Variants in TMEM51 observed in about 807,000 individuals in gnomAD.
TMEM51 encodes chromosome 1 open reading frame 72.
A neutral mutation model predicts 13.6 loss-of-function variants in TMEM51; 8 were observed. The ratio of observed to expected loss-of-function variants is 0.59; its 90% CI spans 0.35 to 1.07. The LOEUF is 1.07. TMEM51 is among the 50% of genes least tolerant of loss of function. TMEM51 has a pLI of 0.02. For synonymous variants in TMEM51, 147 were observed against 144.4 expected, an observed-to-expected ratio of 1.02 and a Z score of -0.13; for missense variants, 279 against 330.7, an observed-to-expected ratio of 0.84 and a Z score of 1.21.
chr1:15,212,558 A>C (rs1277609193), intron 2 of TMEM51, among the ~76,000 whole-genome samples: 3 of 152,230 alleles, frequency 2.0e-5, no homozygotes, highest in Non-Finnish European at 4.4e-5. Flanking sequence ...TCCTGCTTCC[A>C]GCACAACCCC....
intron 1 of TMEM51, among the ~76,000 whole-genome samples, chr1:15,195,659 G>C (rs1186991964): frequency 6.6e-6 from 1 of 152,054 alleles, no homozygotes; most frequent in Admixed American, 6.6e-5. Flanking sequence ...TACCAGCTAG[G>C]GCTTGCTATA....
Position 15,214,888 on chromosome 1 carries a change from C to T in TMEM51, c.-193-7C>T, listed in dbSNP as rs1019561131. ...CGTCCTCTCTGCTCTTTCTGCTTTC[C>T]TTCCAGGCCCTTCCACCGCAGCCAT... is the stretch of plus-strand genomic sequence containing the variant. On this transcript the variant is annotated splice_polypyrimidine_tract_variant and splice_region_variant and intron_variant, in intron 2 of 3. Coordinates refer to ENST00000376008, the MANE Select transcript of TMEM51 (RefSeq NM_001136218.2). 3.4e-6 allele frequency: 2 copies of T among 584,594 alleles called. No individual in the cohort carries two copies. Among genetic ancestry groups the T allele is most frequent in the Non-Finnish European group, 6.0e-6 (2 of 332,240 alleles). 36.2% of individuals were successfully genotyped at this position (584,594 alleles called of 1,614,324 possible).
Position 15,200,391 on chromosome 1 carries a change from G to A in TMEM51, c.-266-10099G>A, listed in dbSNP as rs908971986. Among the ~76,000 whole-genome samples the A allele has an allele frequency of 3.2e-5, 4 of 124,956 alleles. No homozygotes were observed. The East Asian group carries it at 7.7e-4, about 24-fold the overall frequency. The allele number at this position is 124,956 out of a possible 152,430, so 82.0% of individuals were successfully genotyped here. A position where few individuals can be genotyped will look rare whatever the true frequency, so the allele number is the denominator to read the frequency against. On this transcript the variant is annotated intron_variant, in intron 1 of 3. Coordinates refer to ENST00000376008, the MANE Select transcript of TMEM51 (RefSeq NM_001136218.2). The stretch of plus-strand genomic sequence containing the variant: ...CCACTGTACTCCAGCCTGGGCAACA[G>A]AGCGAGACTCTGTCTCAAAAAAAAA...
At chr1:15,164,431 G>C in intron 1 of TMEM51, 1 of 456,098 alleles carries the variant, frequency 2.2e-6, no homozygotes, top group South Asian at 1.5e-5. Flanking sequence ...TCTCGTGACT[G>C]GACTGGGCCT....
intron 1 of TMEM51, among the ~76,000 whole-genome samples, chr1:15,181,479 T>C (rs1643614875): frequency 1.3e-5 from 2 of 152,184 alleles, no homozygotes; most frequent in South Asian, 4.1e-4. Context: ...TTAAACCGTC[T>C]TTTGGATTCT....
chr1:15,201,012 C>T (rs1046247980), intron 1 of TMEM51, among the ~76,000 whole-genome samples: 1 of 152,204 alleles, frequency 6.6e-6, no homozygotes, highest in Non-Finnish European at 1.5e-5. Context: ...TATATGGCAC[C>T]TGCCAGCACG....
chr1:15,218,174 C>T (rs1644458879), intron 3 of TMEM51, among the ~76,000 whole-genome samples: 1 of 152,234 alleles, frequency 6.6e-6, no homozygotes, highest in Non-Finnish European at 1.5e-5. Flanking sequence ...TCTCTTTCAA[C>T]AGTCAAATGA....
intron 1 of TMEM51, among the ~76,000 whole-genome samples, chr1:15,169,759 A>C (rs766821395): frequency 1.3e-5 from 2 of 152,248 alleles, no homozygotes; most frequent in Admixed American, 6.5e-5. Context: ...AAGACATAGA[A>C]AGATGAGTCT....
At chr1:15,174,902 C>T (rs1027683020) in intron 1 of TMEM51, among the ~76,000 whole-genome samples, 6 of 152,104 alleles carry the variant, frequency 3.9e-5, no homozygotes, top group Non-Finnish European at 5.9e-5. Context: ...CTCATCTAAC[C>T]TGAATTACCT....
chr1:15,173,402 G>A (rs541354117), intron 1 of TMEM51, among the ~76,000 whole-genome samples: 215 of 151,816 alleles, frequency 1.4e-3, no homozygotes, highest in Non-Finnish European at 2.3e-3. Flanking sequence ...TGTATTTTTA[G>A]TAGAGACGGG....
At chr1:15,213,717 C>T (rs1644378389) in intron 2 of TMEM51, among the ~76,000 whole-genome samples, 1 of 152,102 alleles carries the variant, frequency 6.6e-6, no homozygotes, top group Non-Finnish European at 1.5e-5. Context: ...GGCACAGGAG[C>T]GGAGAGGAAG....
In TMEM51 at chr1:15,170,346, G is replaced by T. The variant is rs1193520189; in HGVS notation, c.-267+16392G>T. Among the ~76,000 whole-genome samples the T allele has an allele frequency of 4.1e-5, 5 of 122,990 alleles. 1 individual carries two copies. Among genetic ancestry groups the T allele is most frequent in the South Asian group, 2.7e-4 (1 of 3,710 alleles). 80.7% of individuals were successfully genotyped at this position (122,990 alleles called of 152,430 possible). ...AGCTAGGTGCCTGGGATACTGCTGG[G>T]TTTTTTTTTATCTTTTTTTTTTTTT... On this transcript the variant is annotated intron_variant, in intron 1 of 3. Transcript: ENST00000376008.
At chr1:15,212,437 G>T (rs1355758856) in intron 2 of TMEM51, among the ~76,000 whole-genome samples, 1 of 152,146 alleles carries the variant, frequency 6.6e-6, no homozygotes, top group Non-Finnish European at 1.5e-5. Context: ...GGCAGTGAGG[G>T]GGTTAAAGCG....
intron 1 of TMEM51, among the ~76,000 whole-genome samples, chr1:15,193,050 C>T (rs999530559): frequency 2.0e-5 from 3 of 152,190 alleles, no homozygotes; most frequent in African/African-American, 7.2e-5. Context: ...GGCATTGGGG[C>T]GGGTGCTTAG....
intron 3 of TMEM51, 62 bp downstream of exon 3, chr1:15,215,493 C>A: frequency 1.4e-6 from 2 of 1,403,354 alleles, no homozygotes; most frequent in Admixed American, 2.3e-5. Context: ...CATGCACACA[C>A]ATGTTCACAC....
chr1:15,205,894 C>T (rs1644239947), intron 1 of TMEM51, among the ~76,000 whole-genome samples: 1 of 152,104 alleles, frequency 6.6e-6, no homozygotes, highest in Non-Finnish European at 1.5e-5. Flanking sequence ...TCCTGGCATA[C>T]AGTAGGGGAA....
chr1:15,167,248 A>G (rs925350376), intron 1 of TMEM51, among the ~76,000 whole-genome samples: 16 of 144,780 alleles, frequency 1.1e-4, no homozygotes, highest in Non-Finnish European at 6.0e-5. Flanking sequence ...AATGGCATGA[A>G]CCTGGGAAGC....
At chr1:15,189,894 G>A (rs544699237) in intron 1 of TMEM51, among the ~76,000 whole-genome samples, 2 of 152,364 alleles carry the variant, frequency 1.3e-5, no homozygotes, top group East Asian at 1.9e-4. Flanking sequence ...GCTAACCCAA[G>A]GTGGCAGAGA....
chr1:15,167,140 A>G lies in TMEM51; in HGVS notation c.-267+13186A>G, dbSNP rs543945589. ...CAGGAGATCGAGACCATCCTGGCTAACATGGTTAAACCCCGTCTCTCCTAA... is the reference window on the plus strand; with the variant it reads ...CAGGAGATCGAGACCATCCTGGCTAGCATGGTTAAACCCCGTCTCTCCTAA... On this transcript the variant is annotated intron_variant, in intron 1 of 3. Transcript: ENST00000376008. Among the ~76,000 whole-genome samples the G allele has an allele frequency of 1.5e-4, 23 of 152,104 alleles. No homozygotes were observed. In the South Asian group the frequency reaches 4.8e-3, roughly 32 times the overall value.
Sources: allele counts gnomAD v4.1 joint callset (sites outside exome capture counted in the v4.1 genomes callset), GRCh38; gene constraint gnomAD v4.1.1; transcripts MANE v1.5; gene names NCBI Gene and HGNC (gene_info 2026-07-23, HGNC 2026-07-21).